WNT7B: variants seen among roughly 807,000 people sequenced by gnomAD.
WNT7B encodes the protein protein Wnt-7b.
Under a neutral mutation model 38.2 loss-of-function variants are expected in WNT7B, and 19 were observed. The observed-to-expected ratio is 0.50, with a 90% confidence interval of 0.35 to 0.73. The LOEUF (loss-of-function observed/expected upper bound fraction) is 0.73. Among genes scored for constraint, WNT7B ranks in the 30% least tolerant of loss-of-function variants. The probability of loss-of-function intolerance (pLI) is 0.01; values close to 1 mark genes in which losing one functional copy is unlikely to be tolerated. For missense variants in WNT7B, 423 were observed against 507.9 expected, an observed-to-expected ratio of 0.83 and a Z score of 1.61; for synonymous variants, 243 against 209.3, an observed-to-expected ratio of 1.16 and a Z score of -1.39.
At position 45,977,036 on chromosome 22, in the gene WNT7B, G is replaced by A. The variant is rs1256644489; in HGVS notation, c.-282C>T. ...CCGTGGACCCCTGCAAGCGCGGGCC[G>A]GGGGCCCGGGCGCGGCTGGCGGGCG... On this transcript the variant is annotated 5_prime_UTR_variant, in exon 1 of 4. Coordinates refer to ENST00000339464, the MANE Select transcript of WNT7B (RefSeq NM_058238.3). 4 of 983,612 alleles carry A rather than the reference G, an allele frequency of 4.1e-6. No individual in the cohort carries two copies. The highest frequency in any genetic ancestry group is 4.8e-6 in the Non-Finnish European group (4 of 828,870). 60.9% of individuals were successfully genotyped at this position (983,612 alleles called of 1,614,324 possible).
intron 2 of WNT7B, among the ~76,000 whole-genome samples, chr22:45,948,707 G>A (rs993814181): frequency 2.6e-5 from 4 of 152,088 alleles, no homozygotes; most frequent in South Asian, 4.1e-4. Flanking sequence ...GGACCCACAC[G>A]AGGGCCTACT....
chr22:45,966,497 C>A lies in WNT7B; in HGVS notation c.71+10187G>T, dbSNP rs1454402836. On this transcript the variant is annotated intron_variant, in intron 1 of 3. Coordinates refer to ENST00000339464, the MANE Select transcript of WNT7B (RefSeq NM_058238.3). The surrounding 1 kb of genome is among the most constrained non-coding windows in gnomAD (Gnocchi z 4.2). ...GGAGGGCTCCAGAAAGCGATAGAGGCCTGCAGGGGTCATGGGATAGGACTC... is the reference window on the plus strand; with the variant it reads ...GGAGGGCTCCAGAAAGCGATAGAGGACTGCAGGGGTCATGGGATAGGACTC... Among the ~76,000 whole-genome samples, 1 of 152,190 alleles carries A rather than the reference C, an allele frequency of 6.6e-6. No individual in the cohort carries two copies. Among genetic ancestry groups the A allele is most frequent in the East Asian group, 1.9e-4 (1 of 5,196 alleles).
At chr22:45,970,856 C>A (rs769136344) in intron 1 of WNT7B, among the ~76,000 whole-genome samples, 2 of 152,254 alleles carry the variant, frequency 1.3e-5, no homozygotes, top group Non-Finnish European at 2.9e-5. Flanking sequence ...GCGGTCCCCA[C>A]CCGCATGCGC....
chr22:45,955,470 G>A (rs75725186), intron 1 of WNT7B, among the ~76,000 whole-genome samples: 4,725 of 152,318 alleles, frequency 0.031, 98 homozygotes, highest in African/African-American at 0.069. Flanking sequence ...CCTGCGGGGC[G>A]GACCCAGCTT....
At chr22:45,931,012 T>G (rs1471908414) in intron 3 of WNT7B, 86 bp downstream of exon 3, 1 of 1,456,614 alleles carries the variant, frequency 6.9e-7, no homozygotes, top group Non-Finnish European at 9.0e-7. Context: ...CTGCTTCTGC[T>G]AGAAGAGGAG....
In WNT7B at chr22:45,976,804, C is replaced by G. The variant is rs1286182079; in HGVS notation, c.-50G>C. The G allele has an allele frequency of 1.3e-6, 2 of 1,549,350 alleles. No individual in the cohort carries two copies. The highest frequency in any genetic ancestry group is 4.9e-5 in the East Asian group (2 of 40,472). ...TAGACAGCGGCGGCCGGAGGGGACG[C>G]GCGGGCCCGGCAGGGCCGGGCAGGG... On this transcript the variant is annotated 5_prime_UTR_variant, in exon 1 of 4. Coordinates refer to ENST00000339464, the MANE Select transcript of WNT7B (RefSeq NM_058238.3). The surrounding 1 kb of genome is among the most constrained non-coding windows in gnomAD (Gnocchi z 8.5).
chr22:45,944,158 T>C (rs965085087), intron 2 of WNT7B, among the ~76,000 whole-genome samples: 4 of 152,190 alleles, frequency 2.6e-5, no homozygotes, highest in Middle Eastern at 3.2e-3. Flanking sequence ...CCATAGCCTC[T>C]CTGCAGCCAG....
chr22:45,955,768 G>A (rs1266433367), intron 1 of WNT7B, among the ~76,000 whole-genome samples: 1 of 152,200 alleles, frequency 6.6e-6, no homozygotes, highest in Non-Finnish European at 1.5e-5. Flanking sequence ...ACTGCAGGGA[G>A]GGCGCTTATG....
intron 2 of WNT7B, among the ~76,000 whole-genome samples, chr22:45,946,406 T>C (rs4075667): frequency 0.55 from 83,312 of 152,052 alleles, 25,168 homozygotes; most frequent in African/African-American, 0.81. Context: ...CCCTGCCTTG[T>C]TGGGGGGCCC....
rs763730781 is a variant in WNT7B at position 45,976,738 on chromosome 22, C to A, written c.17G>T (p.Arg6Leu). 2.5e-6 allele frequency: 4 copies of A among 1,609,586 alleles called. 1 individual carries two copies. The South Asian group carries it at 4.4e-5, about 18-fold the overall frequency. Residue 6 changes from arginine to leucine, a missense_variant, in exon 1 of 4, where the codon CGC becomes CTC. By Grantham distance (102) the Arg-to-Leu change is moderately radical. Transcript: ENST00000339464. This position sits in a 1 kb window ranked among gnomAD's most constrained non-coding sequence, Gnocchi z 8.5. MHRNFRKWIFYVFLCF... is the reference protein window; with the variant it reads MHRNFLKWIFYVFLCF... ...GAGAAACACGTAGAAAATCCACTTG[C>A]GAAAGTTTCTGTGCATGATCCAGGG...
chr22:45,931,789 G>C (rs112530309), intron 2 of WNT7B, among the ~76,000 whole-genome samples: 3,897 of 152,274 alleles, frequency 0.026, 69 homozygotes, highest in Non-Finnish European at 0.041. Context: ...CCCTCTGCCA[G>C]CCTCCCAGGA....
At position 45,926,511 on chromosome 22, in the gene WNT7B, T is replaced by C. The variant is rs894427464; in HGVS notation, c.571-3176A>G. The C allele has an allele frequency of 1.2e-5, 12 of 985,208 alleles. No individual in the cohort carries two copies. The African/African-American group carries it at 1.4e-4, about 11-fold the overall frequency. The allele number at this position is 985,208 out of a possible 1,614,324, so 61.0% of individuals were successfully genotyped here. On this transcript the variant is annotated intron_variant, in intron 3 of 3. Transcript: ENST00000339464. ...CAGTTACAGCCAGGCAGGGGAGTCA[T>C]GGGGTTGGTGGACTAAAGTCCTTCC...
At chr22:45,963,690 G>T (rs1267183107) in intron 1 of WNT7B, among the ~76,000 whole-genome samples, 7 of 152,040 alleles carry the variant, frequency 4.6e-5, no homozygotes. Flanking sequence ...CGTCTTCCCT[G>T]CCACAGGAAT....
At chr22:45,925,473 T>A (rs1223282575) in intron 3 of WNT7B, 1 of 985,096 alleles carries the variant, frequency 1.0e-6, no homozygotes, top group East Asian at 1.1e-4. Context: ...CTTTGGGGAA[T>A]TGCAGGGCTA....
At chr22:45,927,339 G>T in intron 3 of WNT7B, 1 of 1,462,468 alleles carries the variant, frequency 6.8e-7, no homozygotes, top group Non-Finnish European at 9.0e-7. Flanking sequence ...CCAGGGCCTT[G>T]GTCTGGTAGA....
At chr22:45,933,750 G>A (rs139643988) in intron 2 of WNT7B, among the ~76,000 whole-genome samples, 14 of 152,224 alleles carry the variant, frequency 9.2e-5, no homozygotes, top group African/African-American at 3.1e-4. Flanking sequence ...TTCGCTTGCT[G>A]TGTGTGTGTG....
In WNT7B at chr22:45,976,698, C is replaced by A; in HGVS notation, c.57G>T (p.Leu19=). The change falls in exon 1 of 4, where the codon CTG becomes CTT. Residue 19 remains leucine (L), a synonymous_variant. Coordinates refer to ENST00000339464, the MANE Select transcript of WNT7B (RefSeq NM_058238.3). The surrounding 1 kb of genome is among the most constrained non-coding windows in gnomAD (Gnocchi z 8.5). ...GGGGTACTCACCCGAGCTTCACGTACAGGACGCCAAAGCAGAGAAACACGT... is the reference window on the plus strand; with the variant it reads ...GGGGTACTCACCCGAGCTTCACGTAAAGGACGCCAAAGCAGAGAAACACGT... ...IFYVFLCFGV[L]YVKLGALSSV... 1 of 1,609,720 alleles carries A rather than the reference C, an allele frequency of 6.2e-7. No homozygotes were observed. The highest frequency in any genetic ancestry group is 8.5e-7 in the Non-Finnish European group (1 of 1,177,572).
In WNT7B at chr22:45,976,587, C is replaced by T. The variant is rs1932556540; in HGVS notation, c.71+97G>A. 1 of 1,320,912 alleles carries T rather than the reference C, an allele frequency of 7.6e-7. No homozygotes were observed. The highest frequency in any genetic ancestry group is 2.0e-4 in the Middle Eastern group (1 of 4,982). The allele number at this position is 1,320,912 out of a possible 1,614,324, so 81.8% of individuals were successfully genotyped here. ...CCGGAGCCCAGAGAGCTGCAGTGGCCCCCTCCAGTCCCCACGTCCCCACGG... is the reference window on the plus strand; with the variant it reads ...CCGGAGCCCAGAGAGCTGCAGTGGCTCCCTCCAGTCCCCACGTCCCCACGG... On this transcript the variant is annotated intron_variant, in intron 1 of 3. Transcript: ENST00000339464. The surrounding 1 kb of genome is among the most constrained non-coding windows in gnomAD (Gnocchi z 8.5).
At chr22:45,971,815 T>G (rs898620892) in intron 1 of WNT7B, among the ~76,000 whole-genome samples, 1 of 152,182 alleles carries the variant, frequency 6.6e-6, no homozygotes, top group African/African-American at 2.4e-5. Flanking sequence ...TCCAGGACTC[T>G]GCTGGGACGC....
Sources: gnomAD v4.1 joint callset for allele counts (sites outside exome capture counted in the v4.1 genomes callset) on GRCh38, gnomAD v4.1.1 for gene constraint, Gnocchi (gnomAD v3.1) non-coding constraint, MANE v1.5 for transcripts, NCBI Gene and HGNC (gene_info 2026-07-23, HGNC 2026-07-21) for gene names.